PDE8B: variants seen among roughly 807,000 people sequenced by gnomAD.
PDE8B encodes the protein phosphodiesterase 8B.
PDE8B carries 26 observed loss-of-function variants against 101.3 expected under a neutral mutation model. That is an observed-to-expected ratio of 0.26 (90% CI 0.19 to 0.36). The LOEUF (loss-of-function observed/expected upper bound fraction) is 0.36. Ranked by LOEUF, PDE8B falls within the 10% of genes least tolerant of loss-of-function variation. The pLI, the probability that PDE8B is intolerant of heterozygous loss-of-function variation, is 1.00. For synonymous variants in PDE8B, 424 were observed against 429.3 expected (o/e 0.99, Z 0.15); for missense variants, 810 against 1,163.1 (o/e 0.70, Z 4.42).
intron 1 of PDE8B, among the ~76,000 whole-genome samples, chr5:77,307,870 A>G (rs1322435340): frequency 6.6e-6 from 1 of 151,692 alleles, no homozygotes; most frequent in Non-Finnish European, 1.5e-5. Flanking sequence ...CCACCCCTGC[A>G]TTTGTTTCTC....
At chr5:77,238,066 A>G (rs569360216) in intron 1 of PDE8B, among the ~76,000 whole-genome samples, 5 of 152,290 alleles carry the variant, frequency 3.3e-5, no homozygotes, top group Admixed American at 3.3e-4. Flanking sequence ...GTTTCTGGAC[A>G]TGGATTTCTT....
intron 2 of PDE8B, among the ~76,000 whole-genome samples, chr5:77,320,473 A>T (rs1774803629): frequency 6.6e-6 from 1 of 152,044 alleles, no homozygotes; most frequent in Non-Finnish European, 1.5e-5. Flanking sequence ...TGACAAAACT[A>T]CTTCCTTCTG....
At chr5:77,245,382 C>T (rs1277194412) in intron 1 of PDE8B, among the ~76,000 whole-genome samples, 1 of 152,178 alleles carries the variant, frequency 6.6e-6, no homozygotes, top group African/African-American at 2.4e-5. Context: ...TGCTTTGTAA[C>T]TTTTCTGTGA....
the PDE8B span, among the ~76,000 whole-genome samples, chr5:77,090,903 ATTT>A: frequency 6.6e-6 from 1 of 152,174 alleles, no homozygotes; most frequent in African/African-American, 2.4e-5. Context: ...TGGAGATAGT[ATTT>A]TTATTTCTTT....
intron 1 of PDE8B, chr5:77,291,179 T>G: frequency 6.2e-7 from 1 of 1,610,934 alleles, no homozygotes; most frequent in Non-Finnish European, 8.5e-7. Context: ...GGTGTACCAC[T>G]GCGAGGCGAC....
At position 77,427,139 on chromosome 5, in the gene PDE8B, C is replaced by T. The variant is rs575015984; in HGVS notation, c.*585C>T. ...TCTATGGCTACATGGTTCTTCTGGCCGATGGTATGACACCTAAGTTAGAAC... is the reference window on the plus strand; with the variant it reads ...TCTATGGCTACATGGTTCTTCTGGCTGATGGTATGACACCTAAGTTAGAAC... On this transcript the variant is annotated 3_prime_UTR_variant, in exon 22 of 22. Coordinates refer to ENST00000264917, the MANE Select transcript of PDE8B (RefSeq NM_003719.5). The T allele has an allele frequency of 1.3e-5, 2 of 156,236 alleles. No homozygotes were observed. Among genetic ancestry groups the T allele is most frequent in the African/African-American group, 2.4e-5 (1 of 41,558 alleles). The allele number at this position is 156,236 out of a possible 1,614,324, so 9.7% of individuals were successfully genotyped here.
intron 1 of PDE8B, among the ~76,000 whole-genome samples, chr5:77,278,840 T>C (rs1764380171): frequency 6.6e-6 from 1 of 152,232 alleles, no homozygotes; most frequent in Non-Finnish European, 1.5e-5. Flanking sequence ...ATCAATTTTT[T>C]ACGCTTTTTA....
chr5:77,411,716 C>CT lies in PDE8B; in HGVS notation c.1572dup (p.Lys525Ter), dbSNP rs1433140092. On this transcript the variant is annotated frameshift_variant, in exon 15 of 22. Transcript: ENST00000264917. LOFTEE classifies it high-confidence loss of function. ...CTGTCAGGAAACGAGTATGTGTTTA[C>CT]TAAGAGTAAGTTTTCATCTATTTAC... The CT allele has an allele frequency of 6.2e-7, 1 of 1,609,100 alleles. No individual in the cohort carries two copies. Among genetic ancestry groups the CT allele is most frequent in the Non-Finnish European group, 8.5e-7 (1 of 1,175,524 alleles).
intron 1 of PDE8B, among the ~76,000 whole-genome samples, chr5:77,252,314 T>A (rs1299696464): frequency 6.6e-6 from 1 of 152,226 alleles, no homozygotes; most frequent in Non-Finnish European, 1.5e-5. Context: ...TACCCTTGAA[T>A]CTGTTAAAAT....
At chr5:77,213,186 T>G (rs1580343957) in intron 1 of PDE8B, among the ~76,000 whole-genome samples, 1 of 152,236 alleles carries the variant, frequency 6.6e-6, no homozygotes, top group Non-Finnish European at 1.5e-5. Flanking sequence ...CTACTTGGCT[T>G]AAGTATTAAA....
At chr5:77,263,506 T>C (rs1299692855) in intron 1 of PDE8B, among the ~76,000 whole-genome samples, 2 of 152,194 alleles carry the variant, frequency 1.3e-5, no homozygotes, top group African/African-American at 4.8e-5. Context: ...TGAAGTTGAT[T>C]TTTCTCTACT....
the PDE8B span, among the ~76,000 whole-genome samples, chr5:77,089,738 C>T: frequency 4.6e-5 from 7 of 152,274 alleles, no homozygotes; most frequent in African/African-American, 9.6e-5. Flanking sequence ...AACAGTATGG[C>T]GGCTTCTCAG....
chr5:77,413,335 T>C, intron 17 of PDE8B, 26 bp downstream of exon 17: 3 of 1,582,888 alleles, frequency 1.9e-6, no homozygotes, highest in Non-Finnish European at 2.6e-6. Context: ...CATGACCTAG[T>C]TACCTGCCTG....
At chr5:77,362,675 C>T (rs767299633) in intron 10 of PDE8B, among the ~76,000 whole-genome samples, 3 of 152,180 alleles carry the variant, frequency 2.0e-5, no homozygotes, top group South Asian at 2.1e-4. Flanking sequence ...TTGAGGAGCA[C>T]GCTCCTGACT....
chr5:77,280,237 G>C lies in PDE8B; in HGVS notation c.340-31757G>C, dbSNP rs548849109. ...ACCAGGACACTGAAGAGCTCCCGGA[G>C]CCTGTGCATGGTGTCTAGCCCTTCT... On this transcript the variant is annotated intron_variant, in intron 1 of 21. Transcript: ENST00000264917. Among the ~76,000 whole-genome samples the C allele has an allele frequency of 3.9e-5, 6 of 152,312 alleles. No individual in the cohort carries two copies. The South Asian group carries it at 1.2e-3, about 32-fold the overall frequency.
the PDE8B span, among the ~76,000 whole-genome samples, chr5:77,153,475 G>A: frequency 6.6e-6 from 1 of 152,096 alleles, no homozygotes; most frequent in Non-Finnish European, 1.5e-5. Context: ...AGGTTCTAGG[G>A]GGAGGGCTGG....
intron 1 of PDE8B, among the ~76,000 whole-genome samples, chr5:77,253,670 C>T (rs554523084): frequency 6.6e-5 from 10 of 152,182 alleles, no homozygotes; most frequent in Admixed American, 2.0e-4. Flanking sequence ...ATTAATGGGA[C>T]GAAAGTTTTG....
chr5:77,133,056 C>T, the PDE8B span, among the ~76,000 whole-genome samples: 1 of 152,198 alleles, frequency 6.6e-6, no homozygotes, highest in Non-Finnish European at 1.5e-5. Flanking sequence ...ACCTATGATT[C>T]CACAATAACA....
chr5:77,179,073 G>A, the PDE8B span, among the ~76,000 whole-genome samples: 32 of 152,316 alleles, frequency 2.1e-4, no homozygotes, highest in Middle Eastern at 3.4e-3. Context: ...CAAGGGCATG[G>A]ACACCAGGCA....
Sources: allele counts gnomAD v4.1 joint callset (sites outside exome capture counted in the v4.1 genomes callset), GRCh38; gene constraint gnomAD v4.1.1; transcripts MANE v1.5; gene names NCBI Gene and HGNC (gene_info 2026-07-23, HGNC 2026-07-21).